The following DLGAP1 variants were observed in gnomAD, a reference collection of about 807,000 sequenced individuals.
DLGAP1 encodes DLG associated protein 1, also known as disks large-associated protein 1.
Under a neutral mutation model 90.8 loss-of-function variants are expected in DLGAP1, and 11 were observed. The ratio of observed to expected loss-of-function variants is 0.12; its 90% CI spans 0.08 to 0.20. The LOEUF (loss-of-function observed/expected upper bound fraction) is 0.20, where lower values mean the gene tolerates loss of function less well. Among genes scored for constraint, DLGAP1 ranks in the 10% least tolerant of loss-of-function variants. The probability of loss-of-function intolerance (pLI) is 1.00; values close to 1 mark genes in which losing one functional copy is unlikely to be tolerated. For synonymous variants in DLGAP1, 558 were observed against 540.7 expected (o/e 1.03, Z -0.44); for missense variants, 1,050 against 1,333.8 (o/e 0.79, Z 3.31).
At chr18:3,615,356 T>C (rs16945129) in intron 7 of DLGAP1, among the ~76,000 whole-genome samples, 5,022 of 152,312 alleles carry the variant, frequency 0.033, 102 homozygotes, top group African/African-American at 0.055. Flanking sequence ...GCCTCTATTT[T>C]CTTGACTAGA....
chr18:4,044,101 T>C (rs1305251042), intron 2 of DLGAP1, among the ~76,000 whole-genome samples: 2 of 152,206 alleles, frequency 1.3e-5, no homozygotes, highest in Non-Finnish European at 2.9e-5. Flanking sequence ...AAATCAGGGA[T>C]ATGAAATGTC....
rs529721861 is a variant in DLGAP1 at position 4,225,360 on chromosome 18, T to A, written c.-266-74073A>T. On this transcript the variant is annotated intron_variant, in intron 1 of 12. Coordinates refer to ENST00000315677, the MANE Select transcript of DLGAP1 (RefSeq NM_004746.4). ...ACAAACAAGCCCAGACTGTGAAAAC[T>A]ACCATAAATACCTAACTCTTCTATG... is the stretch of plus-strand genomic sequence containing the variant. Among the ~76,000 whole-genome samples, 3 of 152,076 alleles carry A rather than the reference T, an allele frequency of 2.0e-5. No homozygotes were observed. In the South Asian group the frequency reaches 6.2e-4, roughly 32 times the overall value.
At chr18:3,811,895 C>T (rs1486144498) in intron 5 of DLGAP1, among the ~76,000 whole-genome samples, 3 of 152,146 alleles carry the variant, frequency 2.0e-5, no homozygotes, top group Non-Finnish European at 4.4e-5. Context: ...TGTCCTCAGT[C>T]TCCTCAGAGC....
intron 5 of DLGAP1, among the ~76,000 whole-genome samples, chr18:3,765,054 G>A (rs909488028): frequency 2.0e-5 from 3 of 151,906 alleles, no homozygotes; most frequent in African/African-American, 4.8e-5. Flanking sequence ...TGTTTATGTA[G>A]GTGGTGGATG....
At chr18:3,514,199 C>T (rs1461663431) in intron 10 of DLGAP1, among the ~76,000 whole-genome samples, 8 of 151,908 alleles carry the variant, frequency 5.3e-5, no homozygotes, top group African/African-American at 9.7e-5. Context: ...CTCCAACTCC[C>T]GAGTTCAAGT....
intron 1 of DLGAP1, among the ~76,000 whole-genome samples, chr18:4,328,046 A>ATTTTT (rs1568516415): frequency 1.3e-5 from 2 of 151,822 alleles, no homozygotes; most frequent in African/African-American, 4.8e-5. Context: ...CTATTTTCTT[A>ATTTTT]AGAGCTCATT....
At chr18:3,784,105 T>C (rs1297929100) in intron 5 of DLGAP1, among the ~76,000 whole-genome samples, 1 of 152,196 alleles carries the variant, frequency 6.6e-6, no homozygotes, top group Non-Finnish European at 1.5e-5. Context: ...TGGAAGTCAT[T>C]GCACAGACTA....
chr18:4,199,885 G>T (rs2077576106), intron 1 of DLGAP1, among the ~76,000 whole-genome samples: 1 of 152,244 alleles, frequency 6.6e-6, no homozygotes, highest in South Asian at 2.1e-4. Flanking sequence ...GTGATAGTTT[G>T]GCTCCCCAGA....
intron 7 of DLGAP1, among the ~76,000 whole-genome samples, chr18:3,709,509 A>G (rs1441988953): frequency 6.6e-6 from 1 of 152,218 alleles, no homozygotes; most frequent in Non-Finnish European, 1.5e-5. Context: ...GCACATGTCC[A>G]CTGTATACAA....
intron 9 of DLGAP1, among the ~76,000 whole-genome samples, chr18:3,545,949 T>G (rs569753863): frequency 5.9e-5 from 9 of 152,166 alleles, no homozygotes; most frequent in Non-Finnish European, 1.0e-4. Flanking sequence ...ATAAAGAATT[T>G]CTTAATACAT....
intron 5 of DLGAP1, among the ~76,000 whole-genome samples, chr18:3,808,129 T>C (rs1290463505): frequency 5.3e-5 from 8 of 152,216 alleles, no homozygotes; most frequent in African/African-American, 1.9e-4. Context: ...TTTTCTTTTT[T>C]AAATAAAGCT....
chr18:3,679,471 A>G (rs1156661061), intron 7 of DLGAP1, among the ~76,000 whole-genome samples: 1 of 151,844 alleles, frequency 6.6e-6, no homozygotes, highest in Non-Finnish European at 1.5e-5. Context: ...ATGACTAAGT[A>G]CAGACTACCA....
chr18:3,998,364 A>G (rs2315256), intron 3 of DLGAP1, among the ~76,000 whole-genome samples: 145,011 of 152,238 alleles, frequency 0.95, 69,068 homozygotes, highest in East Asian at 1. Context: ...TTAGGAATTC[A>G]TGAATGTTAA....
intron 2 of DLGAP1, among the ~76,000 whole-genome samples, chr18:4,078,544 C>T (rs1329865798): frequency 6.6e-6 from 1 of 152,176 alleles, no homozygotes; most frequent in Admixed American, 6.5e-5. Flanking sequence ...AGGCACTAGA[C>T]ACTTCACACA....
At chr18:4,198,423 CT>C (rs2077542716) in intron 1 of DLGAP1, among the ~76,000 whole-genome samples, 1 of 152,026 alleles carries the variant, frequency 6.6e-6, no homozygotes, top group Non-Finnish European at 1.5e-5. Context: ...ACTTGTGTTT[CT>C]TTTTCTTCAT....
At chr18:3,706,273 C>T (rs138870827) in intron 7 of DLGAP1, among the ~76,000 whole-genome samples, 288 of 152,312 alleles carry the variant, frequency 1.9e-3, no homozygotes, top group African/African-American at 6.4e-3. Flanking sequence ...GTTGGGATTA[C>T]AGGCGTGAGC....
intron 1 of DLGAP1, among the ~76,000 whole-genome samples, chr18:4,170,310 A>C (rs985277886): frequency 6.6e-6 from 1 of 152,178 alleles, no homozygotes. Flanking sequence ...ATGAAGACTG[A>C]GGTTGAAAAC....
At position 4,235,719 on chromosome 18, in the gene DLGAP1, C is replaced by CTTTTTTTTTTTT. The variant is rs1175101805; in HGVS notation, c.-266-84444_-266-84433dup. ...GTTTTATAAATTTCAATTTCAATGT[C>CTTTTTTTTTTTT]TTTTTTTTTTTTTTTTTTTTTTTTG... On this transcript the variant is annotated intron_variant, in intron 1 of 12. Transcript: ENST00000315677. Among the ~76,000 whole-genome samples, 10 of 80,270 alleles carry CTTTTTTTTTTTT rather than the reference C, an allele frequency of 1.2e-4. 1 individual carries two copies. Among genetic ancestry groups the CTTTTTTTTTTTT allele is most frequent in the African/African-American group, 3.0e-4 (6 of 19,830 alleles). 52.7% of individuals were successfully genotyped at this position (80,270 alleles called of 152,430 possible).
At chr18:4,334,870 T>C (rs1177206878) in intron 1 of DLGAP1, among the ~76,000 whole-genome samples, 6 of 151,928 alleles carry the variant, frequency 3.9e-5, no homozygotes, top group Admixed American at 3.9e-4. Flanking sequence ...GGCACCCTAA[T>C]GGTTCTTCAA....
Sources: gnomAD v4.1 joint callset for allele counts (sites outside exome capture counted in the v4.1 genomes callset) on GRCh38, gnomAD v4.1.1 for gene constraint, MANE v1.5 for transcripts, NCBI Gene and HGNC (gene_info 2026-07-23, HGNC 2026-07-21) for gene names.